The following ADGRL3 variants were observed in gnomAD, a reference collection of about 807,000 sequenced individuals.
ADGRL3 encodes the protein adhesion G protein-coupled receptor L3.
ADGRL3 carries 62 observed loss-of-function variants against 153.5 expected under a neutral mutation model. That is an observed-to-expected ratio of 0.40 (90% CI 0.33 to 0.50). ADGRL3 has a LOEUF of 0.50. Ranked by LOEUF, ADGRL3 falls within the 20% of genes least tolerant of loss-of-function variation. The probability of loss-of-function intolerance (pLI) is 0.47; values close to 1 mark genes in which losing one functional copy is unlikely to be tolerated. For synonymous variants in ADGRL3, 710 were observed against 672.5 expected, an observed-to-expected ratio of 1.06 and a Z score of -0.86; for missense variants, 1,641 against 1,859.4, an observed-to-expected ratio of 0.88 and a Z score of 2.16.
At chr4:61,604,735 G>T (rs1477754435) in intron 5 of ADGRL3, among the ~76,000 whole-genome samples, 2 of 152,130 alleles carry the variant, frequency 1.3e-5, no homozygotes, top group African/African-American at 4.8e-5. Flanking sequence ...TGATTCATTT[G>T]TAACAGAGAA....
intron 5 of ADGRL3, among the ~76,000 whole-genome samples, chr4:61,645,308 G>T (rs2093919632): frequency 6.6e-6 from 1 of 151,626 alleles, no homozygotes; most frequent in African/African-American, 2.4e-5. Context: ...ATTGTTATGT[G>T]TGAATTTGAT....
intron 1 of ADGRL3, among the ~76,000 whole-genome samples, chr4:61,341,540 C>T (rs549264808): frequency 2.6e-5 from 4 of 151,300 alleles, no homozygotes; most frequent in African/African-American, 9.7e-5. Context: ...TATATATACA[C>T]ACACATTTAT....
At chr4:61,617,049 A>G (rs994133050) in intron 5 of ADGRL3, among the ~76,000 whole-genome samples, 1 of 152,192 alleles carries the variant, frequency 6.6e-6, no homozygotes, top group Non-Finnish European at 1.5e-5. Context: ...TTTGTGGTAC[A>G]GTGAACACTC....
chr4:61,596,204 A>G (rs1273013678), intron 5 of ADGRL3, among the ~76,000 whole-genome samples: 1 of 152,208 alleles, frequency 6.6e-6, no homozygotes, highest in Non-Finnish European at 1.5e-5. Flanking sequence ...TTCCAGCAGA[A>G]GGGGACAAAC....
At chr4:61,705,770 C>T (rs1389242235) in intron 6 of ADGRL3, among the ~76,000 whole-genome samples, 3 of 152,062 alleles carry the variant, frequency 2.0e-5, no homozygotes, top group Non-Finnish European at 2.9e-5. Context: ...CCCAAGGGGG[C>T]TAAGATTACA....
intron 1 of ADGRL3, among the ~76,000 whole-genome samples, chr4:61,347,987 GTTCATCATTTATTA>G (rs1464220925): frequency 1.3e-5 from 2 of 151,818 alleles, no homozygotes; most frequent in African/African-American, 4.8e-5. Context: ...ATCATTTCTT[GTTCATCATTTATTA>G]AAGGCAGACA....
chr4:61,360,669 C>T (rs2096269111), intron 1 of ADGRL3, among the ~76,000 whole-genome samples: 1 of 152,068 alleles, frequency 6.6e-6, no homozygotes, highest in South Asian at 2.1e-4. Context: ...AACATAGCTG[C>T]TGAATGCAAC....
chr4:61,309,068 T>A (rs989373270), intron 1 of ADGRL3, among the ~76,000 whole-genome samples: 1 of 152,174 alleles, frequency 6.6e-6, no homozygotes, highest in Admixed American at 6.6e-5. Flanking sequence ...TAAGGTAAGT[T>A]TCAAGAGATC....
intron 1 of ADGRL3, among the ~76,000 whole-genome samples, chr4:61,305,629 G>A (rs2094751901): frequency 6.6e-6 from 1 of 152,056 alleles, no homozygotes; most frequent in African/African-American, 2.4e-5. Context: ...CTATGTTATT[G>A]ACAAAGTCGG....
intron 2 of ADGRL3, among the ~76,000 whole-genome samples, chr4:61,462,944 G>A (rs1370656310): frequency 1.3e-5 from 2 of 152,120 alleles, no homozygotes; most frequent in South Asian, 2.1e-4. Flanking sequence ...GTGCTCAGAT[G>A]TTTGCTTTTT....
chr4:61,980,716 C>G (rs574936586), intron 18 of ADGRL3, among the ~76,000 whole-genome samples: 1 of 152,270 alleles, frequency 6.6e-6, no homozygotes, highest in African/African-American at 2.4e-5. Flanking sequence ...GCTGGGATTA[C>G]AGGTGTGAGG....
In ADGRL3 at chr4:62,076,720, G is replaced by T. The variant is rs950508976; in HGVS notation, c.*5812G>T. On this transcript the variant is annotated 3_prime_UTR_variant, in exon 27 of 27. Coordinates refer to ENST00000683033, the MANE Select transcript of ADGRL3 (RefSeq NM_001387552.1). The stretch of plus-strand genomic sequence containing the variant: ...GATATTTCGTATCTAGCTATACCTT[G>T]TCTCAAGGAAACATCAATATTTTAT... The T allele has an allele frequency of 6.6e-6, 1 of 151,740 alleles. No homozygotes were observed. 9.4% of individuals were successfully genotyped at this position (151,740 alleles called of 1,614,324 possible). A position where few individuals can be genotyped will look rare whatever the true frequency, so the allele number is the denominator to read the frequency against.
chr4:62,031,567 A>T lies in ADGRL3; in HGVS notation c.3548A>T (p.Gln1183Leu). Reference protein sequence around the residue: ...AYLFTIFNSLQGMFIFIFHCV... With the variant: ...AYLFTIFNSLLGMFIFIFHCV... ...CTCTTCACCATTTTCAATTCTCTACAGGGAATGTTTATATTTATTTTCCAT... is the reference window on the plus strand; with the variant it reads ...CTCTTCACCATTTTCAATTCTCTACTGGGAATGTTTATATTTATTTTCCAT... The change falls in exon 23 of 27, where the codon CAG (glutamine) becomes CTG (leucine). Residue 1183 changes from glutamine to leucine, a missense_variant. By Grantham distance (113) the Gln-to-Leu change is moderately radical. Transcript: ENST00000683033. 1 of 1,610,092 alleles carries T rather than the reference A, an allele frequency of 6.2e-7. No homozygotes were observed. The highest frequency in any genetic ancestry group is 8.5e-7 in the Non-Finnish European group (1 of 1,177,160).
chr4:61,852,895 A>G (rs2098223918), intron 9 of ADGRL3, among the ~76,000 whole-genome samples: 1 of 152,104 alleles, frequency 6.6e-6, no homozygotes, highest in South Asian at 2.1e-4. Context: ...TTTAAAAACT[A>G]CGGTTAACTC....
intron 1 of ADGRL3, among the ~76,000 whole-genome samples, chr4:61,325,037 G>T (rs36082269): frequency 6.6e-6 from 1 of 152,046 alleles, no homozygotes; most frequent in African/African-American, 2.4e-5. Context: ...ATGTAGGTCG[G>T]GCGCAGTGGC....
chr4:61,446,307 C>T (rs1178707649), intron 2 of ADGRL3, among the ~76,000 whole-genome samples: 1 of 152,184 alleles, frequency 6.6e-6, no homozygotes, highest in Non-Finnish European at 1.5e-5. Context: ...TCAGACTTGT[C>T]TAATCCACTT....
intron 4 of ADGRL3, among the ~76,000 whole-genome samples, chr4:61,556,721 G>T (rs1261560719): frequency 1.3e-5 from 2 of 152,170 alleles, no homozygotes; most frequent in Non-Finnish European, 2.9e-5. Flanking sequence ...AAAGCAGCTG[G>T]ATGTAAAATG....
At chr4:61,695,037 A>G (rs1204321073) in intron 6 of ADGRL3, among the ~76,000 whole-genome samples, 2 of 152,142 alleles carry the variant, frequency 1.3e-5, no homozygotes, top group Non-Finnish European at 2.9e-5. Context: ...TATTTGCACC[A>G]TATCTTCAGT....
rs146565682 is a variant in ADGRL3, at chr4:61,795,376, G to A, written c.1400-18433G>A. 9.0e-3 allele frequency among the ~76,000 whole-genome samples: 1,367 copies of A among 152,280 alleles called. 16 individuals carry two copies. Among genetic ancestry groups the A allele is most frequent in the African/African-American group, 0.031 (1,292 of 41,568 alleles). ...CTCCTAGCCTCGAGTGATCCTCCCA[G>A]AGGGCTGGAATTACAGGTGTGAGCC... On this transcript the variant is annotated intron_variant, in intron 8 of 26. Transcript: ENST00000683033.
Sources: allele counts gnomAD v4.1 joint callset (sites outside exome capture counted in the v4.1 genomes callset), GRCh38; gene constraint gnomAD v4.1.1; transcripts MANE v1.5; gene names NCBI Gene and HGNC (gene_info 2026-07-23, HGNC 2026-07-21).